The following LYZL1 variants were observed in gnomAD, a reference collection of about 807,000 sequenced individuals.
The protein encoded by LYZL1 is lysozyme like 1, also known as lysozyme-like protein 1.
In LYZL1, 16 loss-of-function variants were observed where a neutral mutation model predicts 17.9. The observed-to-expected ratio is 0.90, with a 90% confidence interval of 0.61 to 1.36. LYZL1 has a LOEUF of 1.36. LYZL1 is among the 40% of genes most tolerant of loss of function. LYZL1 has a pLI of 0.00. For synonymous variants in LYZL1, 58 were observed against 71.8 expected (o/e 0.81, Z 0.97); for missense variants, 149 against 188.4 (o/e 0.79, Z 1.22).
intron 3 of LYZL1, among the ~76,000 whole-genome samples, chr10:29,306,790 TTATG>T (rs1032701336): frequency 1.5e-4 from 16 of 104,982 alleles, no homozygotes; most frequent in South Asian, 3.6e-4. Context: ...TAGTTACCGC[TTATG>T]TATGTGTGTG....
intron 1 of LYZL1, among the ~76,000 whole-genome samples, chr10:29,289,490 C>A (rs562829725): frequency 7.4e-5 from 11 of 149,122 alleles, no homozygotes; most frequent in Admixed American, 4.0e-4. Flanking sequence ...ACAATCATGG[C>A]TCACTATGGC....
At chr10:29,303,648 A>G (rs534283732) in intron 3 of LYZL1, among the ~76,000 whole-genome samples, 257 of 152,330 alleles carry the variant, frequency 1.7e-3, no homozygotes, top group Non-Finnish European at 2.4e-3. Context: ...AAGGACACTC[A>G]TATCTGTTTT....
chr10:29,290,011 A>G (rs1167339392), intron 1 of LYZL1, among the ~76,000 whole-genome samples: 1 of 152,176 alleles, frequency 6.6e-6, no homozygotes, highest in African/African-American at 2.4e-5. Context: ...CCCCTCATGC[A>G]ATGCAGTTCC....
intron 3 of LYZL1, among the ~76,000 whole-genome samples, chr10:29,308,569 T>C (rs1835627369): frequency 6.6e-6 from 1 of 152,222 alleles, no homozygotes; most frequent in Non-Finnish European, 1.5e-5. Flanking sequence ...ATGTTTGTGT[T>C]GAGAAGGATT....
At position 29,301,472 on chromosome 10, in the gene LYZL1, T is replaced by C. The variant is rs1588660646; in HGVS notation, c.299-8638T>C. Among the ~76,000 whole-genome samples, 19 of 152,332 alleles carry C rather than the reference T, an allele frequency of 1.2e-4. No individual in the cohort carries two copies. The South Asian group carries it at 3.1e-3, about 25-fold the overall frequency. ...TCCCAAAGTGCTGGGGTTACAGCTG[T>C]GAGTAATCATGCTCAGCTTCAAATT... On this transcript the variant is annotated intron_variant, in intron 3 of 4. Transcript: ENST00000649382.
chr10:29,310,282 C>T (rs548952413), intron 4 of LYZL1, 94 bp downstream of exon 4: 223 of 948,902 alleles, frequency 2.4e-4, no homozygotes, highest in African/African-American at 1.8e-3. Context: ...AACTCACCTC[C>T]GCAGAGTGGT....
chr10:29,294,146 C>T (rs1835415559), intron 3 of LYZL1, among the ~76,000 whole-genome samples: 1 of 151,916 alleles, frequency 6.6e-6, no homozygotes, highest in Admixed American at 6.6e-5. Context: ...GAAGCATGAA[C>T]AGAGAGTAGG....
intron 4 of LYZL1, among the ~76,000 whole-genome samples, 156 bp from the exon 5 acceptor site, chr10:29,310,834 C>T (rs917544916): frequency 6.6e-6 from 1 of 152,208 alleles, no homozygotes; most frequent in Non-Finnish European, 1.5e-5. Context: ...AAAGTCTGAA[C>T]TAGGCAAAAG....
In LYZL1 at chr10:29,316,312, TCA is replaced by T. The variant is rs566238304; in HGVS notation, c.*-995_*-994del. 2.2e-4 allele frequency among the ~76,000 whole-genome samples: 34 copies of T among 152,324 alleles called. 1 individual carries two copies. The East Asian group carries it at 6.6e-3, about 29-fold the overall frequency. On this transcript the variant is annotated intron_variant and NMD_transcript_variant, in intron 3 of 4. Transcript: ENST00000494304. Reference sequence around the variant, plus strand: ...GGGGACACTCAGAAACTGTTCCGATTCACAGATTCAGCAGTCACTTTGGTTTA... The same window carrying T: ...GGGGACACTCAGAAACTGTTCCGATTCAGATTCAGCAGTCACTTTGGTTTA...
At chr10:29,305,493 C>G (rs118091543) in intron 3 of LYZL1, among the ~76,000 whole-genome samples, 2,067 of 152,206 alleles carry the variant, frequency 0.014, 28 homozygotes, top group East Asian at 0.068. Flanking sequence ...AATGGTTGTT[C>G]AGAGAACTGA....
At chr10:29,318,135 C>A (rs1835751885) in intron 4 of LYZL1, 1 of 984,816 alleles carries the variant, frequency 1.0e-6, no homozygotes. Flanking sequence ...GAAACTGAGG[C>A]TGTTTATTTT....
intron 3 of LYZL1, among the ~76,000 whole-genome samples, chr10:29,305,358 T>A (rs532447562): frequency 1.7e-4 from 26 of 152,352 alleles, no homozygotes; most frequent in African/African-American, 6.3e-4. Flanking sequence ...CAGGAATCTT[T>A]GCTTAAGTGA....
chr10:29,290,423 C>T (rs549023678), intron 1 of LYZL1, among the ~76,000 whole-genome samples: 19 of 152,310 alleles, frequency 1.2e-4, no homozygotes, highest in Admixed American at 3.3e-4. Context: ...TGCTTTCCTC[C>T]TTTCATGAGG....
downstream of LYZL1, among the ~76,000 whole-genome samples, chr10:29,313,517 T>G (rs1354826323): frequency 6.6e-6 from 1 of 152,206 alleles, no homozygotes; most frequent in African/African-American, 2.4e-5. Flanking sequence ...AAATTTAAGG[T>G]AAAAAGACAT....
intron 3 of LYZL1, among the ~76,000 whole-genome samples, chr10:29,298,384 C>T (rs1465881073): frequency 2.6e-5 from 4 of 152,134 alleles, no homozygotes; most frequent in Admixed American, 1.3e-4. Context: ...TATATGCCAA[C>T]CTCAGTGTCC....
Position 29,311,122 on chromosome 10 carries a change from G to A in LYZL1, c.*63G>A. On this transcript the variant is annotated 3_prime_UTR_variant, in exon 5 of 5. Coordinates refer to ENST00000649382, the MANE Select transcript of LYZL1 (RefSeq NM_032517.6). ...TAGGATTTGCAGTGAATGTCCAAAT[G>A]CCTGTGTCATCTTGTCCCGTTTCCT... 2 of 1,613,866 alleles carry A rather than the reference G, an allele frequency of 1.2e-6. No individual in the cohort carries two copies. Among genetic ancestry groups the A allele is most frequent in the Non-Finnish European group, 1.7e-6 (2 of 1,179,870 alleles).
intron 1 of LYZL1, among the ~76,000 whole-genome samples, chr10:29,291,210 C>T (rs1245053960): frequency 6.6e-6 from 1 of 152,160 alleles, no homozygotes; most frequent in Non-Finnish European, 1.5e-5. Flanking sequence ...TTTTTATGTT[C>T]TATGTCTTCT....
At chr10:29,296,889 GAGAGCCA>G (rs1835452977) in intron 3 of LYZL1, among the ~76,000 whole-genome samples, 1 of 152,070 alleles carries the variant, frequency 6.6e-6, no homozygotes, top group African/African-American at 2.4e-5. Context: ...AATAGTTGCA[GAGAGCCA>G]AGGCTCACCA....
In LYZL1 at chr10:29,301,565, T is replaced by C. The variant is rs115031143; in HGVS notation, c.299-8545T>C. On this transcript the variant is annotated intron_variant, in intron 3 of 4. Coordinates refer to ENST00000649382, the MANE Select transcript of LYZL1 (RefSeq NM_032517.6). ...TGGGAAACCAATGATTTTCTTATCTTTGTCCCCTGTATGTAATATGTCTTT... is the reference window on the plus strand; with the variant it reads ...TGGGAAACCAATGATTTTCTTATCTCTGTCCCCTGTATGTAATATGTCTTT... Among the ~76,000 whole-genome samples, 646 of 152,306 alleles carry C rather than the reference T, an allele frequency of 4.2e-3. 8 individuals carry two copies. The highest frequency in any genetic ancestry group is 0.014 in the African/African-American group (595 of 41,540).
Sources: allele counts gnomAD v4.1 joint callset (sites outside exome capture counted in the v4.1 genomes callset), GRCh38; gene constraint gnomAD v4.1.1; transcripts MANE v1.5; gene names NCBI Gene and HGNC (gene_info 2026-07-23, HGNC 2026-07-21).